CTXND1: variants seen among roughly 807,000 people sequenced by gnomAD.
CTXND1 encodes cortexin domain-containing 1 protein.
chr15:80,228,922 C>T (rs28621634), intron 1 of CTXND1, among the ~76,000 whole-genome samples: 14,110 of 116,104 alleles, frequency 0.12, 690 homozygotes, highest in South Asian at 0.17. Flanking sequence ...GCCACGGTGC[C>T]GGGTTCAAAA....
intron 1 of CTXND1, among the ~76,000 whole-genome samples, chr15:80,209,703 T>C (rs895529554): frequency 1.3e-5 from 2 of 152,166 alleles, no homozygotes; most frequent in African/African-American, 2.4e-5. Context: ...ATCAGGATTT[T>C]AGGAAAAAAC....
intron 1 of CTXND1, among the ~76,000 whole-genome samples, chr15:80,240,126 C>T (rs1358100491): frequency 6.6e-6 from 1 of 152,118 alleles, no homozygotes; most frequent in South Asian, 2.1e-4. Flanking sequence ...CCAACACGCT[C>T]GGCTAATTTT....
In CTXND1 at chr15:80,200,699, T is replaced by A. The variant is rs2041444554; in HGVS notation, c.*1071A>T. ...ATGAGGAAACTGAGGCGCTGGGAGG[T>A]GAAGTGACTTGCTCAAGGTCGCATT... On this transcript the variant is annotated 3_prime_UTR_variant, in exon 3 of 3. Transcript: ENST00000560778. The A allele has an allele frequency of 6.6e-6, 1 of 152,004 alleles. No homozygotes were observed. The highest frequency in any genetic ancestry group is 6.6e-5 in the Admixed American group (1 of 15,260). The allele number at this position is 152,004 out of a possible 1,614,324, so 9.4% of individuals were successfully genotyped here. A position where few individuals can be genotyped will look rare whatever the true frequency, so the allele number is the denominator to read the frequency against.
intron 1 of CTXND1, among the ~76,000 whole-genome samples, chr15:80,240,107 G>A (rs1431579689): frequency 1.3e-5 from 2 of 152,022 alleles, no homozygotes; most frequent in Non-Finnish European, 2.9e-5. Flanking sequence ...CTGGGATTAC[G>A]GACATGCACC....
At chr15:80,207,075 C>T (rs916430314) in intron 1 of CTXND1, among the ~76,000 whole-genome samples, 3 of 152,168 alleles carry the variant, frequency 2.0e-5, no homozygotes, top group African/African-American at 7.2e-5. Flanking sequence ...CAGCAGTTTT[C>T]CTGTGAATGT....
At chr15:80,222,610 C>G (rs1271263052) in intron 1 of CTXND1, among the ~76,000 whole-genome samples, 1 of 152,146 alleles carries the variant, frequency 6.6e-6, no homozygotes, top group Non-Finnish European at 1.5e-5. Context: ...TTGTTATTAA[C>G]AGTTCCTCCT....
At chr15:80,213,782 T>C (rs1358068909) in intron 1 of CTXND1, among the ~76,000 whole-genome samples, 1 of 152,142 alleles carries the variant, frequency 6.6e-6, no homozygotes, top group African/African-American at 2.4e-5. Context: ...AAGGGGGAGA[T>C]TATAAATAAT....
intron 1 of CTXND1, among the ~76,000 whole-genome samples, chr15:80,251,588 T>G (rs893042492): frequency 1.3e-5 from 2 of 152,162 alleles, no homozygotes; most frequent in Non-Finnish European, 2.9e-5. Context: ...CCCAAACCCC[T>G]CAATGGCAGA....
chr15:80,222,271 A>G (rs987254152), intron 1 of CTXND1, among the ~76,000 whole-genome samples: 3 of 152,208 alleles, frequency 2.0e-5, no homozygotes, highest in Admixed American at 2.0e-4. Context: ...ATCCACATGT[A>G]CCAATCATCC....
chr15:80,218,630 A>T (rs1399000990), intron 1 of CTXND1, among the ~76,000 whole-genome samples: 7 of 151,758 alleles, frequency 4.6e-5, no homozygotes, highest in Admixed American at 3.3e-4. Flanking sequence ...ATATATATAT[A>T]TTTTCCGTTG....
At chr15:80,206,842 C>T (rs1182650629) in intron 1 of CTXND1, among the ~76,000 whole-genome samples, 1 of 152,090 alleles carries the variant, frequency 6.6e-6, no homozygotes, top group Non-Finnish European at 1.5e-5. Context: ...TTATGTCTAC[C>T]TTAGTTTTCA....
rs529388682 is a variant in CTXND1 at position 80,220,242 on chromosome 15, T to G, written c.-217-16502A>C. 7.2e-5 allele frequency among the ~76,000 whole-genome samples: 11 copies of G among 152,272 alleles called. No individual in the cohort carries two copies. The South Asian group carries it at 2.3e-3, about 32-fold the overall frequency. ...ATTTAGGTTTATAATCCATCTGAGATAGTTTTTTTCATGTGGGGGGTTTAT... is the reference window on the plus strand; with the variant it reads ...ATTTAGGTTTATAATCCATCTGAGAGAGTTTTTTTCATGTGGGGGGTTTAT... On this transcript the variant is annotated intron_variant, in intron 1 of 2. Coordinates refer to ENST00000560778, the MANE Select transcript of CTXND1 (RefSeq NM_001352888.2).
At chr15:80,235,645 G>A (rs1433051989) in intron 1 of CTXND1, among the ~76,000 whole-genome samples, 1 of 151,982 alleles carries the variant, frequency 6.6e-6, no homozygotes. Context: ...GGATGTCCTG[G>A]GCTGTTGCTC....
chr15:80,231,287 C>A (rs981497051), intron 1 of CTXND1, among the ~76,000 whole-genome samples: 3 of 151,832 alleles, frequency 2.0e-5, no homozygotes, highest in South Asian at 2.1e-4. Context: ...CACCTTGCCC[C>A]ATCCAAATCT....
intron 1 of CTXND1, among the ~76,000 whole-genome samples, chr15:80,237,216 T>C (rs1364101098): frequency 6.6e-6 from 1 of 151,498 alleles, no homozygotes; most frequent in African/African-American, 2.4e-5. Flanking sequence ...GTGCCTGTAG[T>C]CCCAGCTACT....
intron 1 of CTXND1, among the ~76,000 whole-genome samples, chr15:80,219,985 T>C (rs1893294959): frequency 6.6e-6 from 1 of 152,214 alleles, no homozygotes; most frequent in South Asian, 2.1e-4. Flanking sequence ...TAGAATCCTA[T>C]TTGTTCAGAT....
intron 1 of CTXND1, among the ~76,000 whole-genome samples, chr15:80,227,152 A>T (rs1384291118): frequency 2.0e-5 from 3 of 152,092 alleles, no homozygotes; most frequent in African/African-American, 7.2e-5. Context: ...TTTTTTTCAA[A>T]TGCTACAAAG....
At chr15:80,233,685 A>G (rs1893458834) in intron 1 of CTXND1, among the ~76,000 whole-genome samples, 1 of 152,178 alleles carries the variant, frequency 6.6e-6, no homozygotes, top group Non-Finnish European at 1.5e-5. Flanking sequence ...GGAGCTAGAC[A>G]AGCCCACTTC....
chr15:80,211,303 A>G (rs942455214), intron 1 of CTXND1, among the ~76,000 whole-genome samples: 7 of 152,240 alleles, frequency 4.6e-5, no homozygotes, highest in Non-Finnish European at 1.0e-4. Flanking sequence ...AAATTCACTC[A>G]GGGTAAGAAG....
Sources: allele counts gnomAD v4.1 joint callset (sites outside exome capture counted in the v4.1 genomes callset), GRCh38; gene constraint gnomAD v4.1.1; transcripts MANE v1.5; gene names NCBI Gene and HGNC (gene_info 2026-07-23, HGNC 2026-07-21).